The following CLIC5 variants were observed in gnomAD, a reference collection of about 807,000 sequenced individuals.
CLIC5 encodes the protein chloride intracellular channel protein 5.
Under a neutral mutation model 24.7 loss-of-function variants are expected in CLIC5, and 20 were observed. The ratio of observed to expected loss-of-function variants is 0.81; its 90% confidence interval spans 0.57 to 1.18. The LOEUF (loss-of-function observed/expected upper bound fraction) is 1.18, where lower values mean the gene tolerates loss of function less well. CLIC5 is among the 50% of genes most tolerant of loss of function. The pLI is 0.00. For synonymous variants in CLIC5, 159 were observed against 135.6 expected (o/e 1.17, Z -1.20); for missense variants, 341 against 326.1 (o/e 1.05, Z -0.35).
At position 45,994,186 on chromosome 6, in the gene CLIC5, G is replaced by C. The variant is rs9463159; in HGVS notation, c.63+21294C>G. The stretch of plus-strand genomic sequence containing the variant: ...CTGAGGGTAAGGATAACAGTTAACT[G>C]TCTTACATGTTGTTGCTCAGGTAGT... On this transcript the variant is annotated intron_variant, in intron 1 of 5. Coordinates refer to ENST00000339561, the MANE Select transcript of CLIC5 (RefSeq NM_016929.5). Among the ~76,000 whole-genome samples the C allele has an allele frequency of 5.7e-3, 866 of 152,190 alleles. 7 individuals carry two copies. Among genetic ancestry groups the C allele is most frequent in the African/African-American group, 0.02 (830 of 41,522 alleles).
chr6:45,929,343 C>T (rs914379905), intron 4 of CLIC5, among the ~76,000 whole-genome samples: 1 of 152,230 alleles, frequency 6.6e-6, no homozygotes, highest in East Asian at 1.9e-4. Flanking sequence ...TCCCTCCTGC[C>T]CTCAGCCCCA....
chr6:46,051,065 A>C (rs1217641210), intron 1 of CLIC5, among the ~76,000 whole-genome samples: 1 of 152,210 alleles, frequency 6.6e-6, no homozygotes, highest in Non-Finnish European at 1.5e-5. Flanking sequence ...CTTAGTCATC[A>C]ACAGTGGCCC....
chr6:46,065,827 T>C (rs1292775077), intron 1 of CLIC5, among the ~76,000 whole-genome samples: 3 of 152,144 alleles, frequency 2.0e-5, no homozygotes, highest in Non-Finnish European at 4.4e-5. Context: ...CACATCATGA[T>C]TATGGTGATG....
intron 1 of CLIC5, among the ~76,000 whole-genome samples, chr6:45,995,833 G>C (rs941501882): frequency 6.6e-6 from 1 of 152,098 alleles, no homozygotes; most frequent in Non-Finnish European, 1.5e-5. Context: ...GAAGCTCAAA[G>C]CCATTATCCT....
rs1762432173 is a variant in CLIC5, at chr6:45,898,549, ACACT to A, written c.*4535_*4538del. Reference sequence around the variant, plus strand: ...TAATTGGTTCAGATTCATGAGGAAAACACTCAGCTGTATCTTCATTAAAAGGCAT... The same window carrying A: ...TAATTGGTTCAGATTCATGAGGAAAACAGCTGTATCTTCATTAAAAGGCAT... On this transcript the variant is annotated 3_prime_UTR_variant, in exon 6 of 6. Coordinates refer to ENST00000339561, the MANE Select transcript of CLIC5 (RefSeq NM_016929.5). The A allele has an allele frequency of 6.8e-6, 1 of 147,386 alleles. No individual in the cohort carries two copies. The highest frequency in any genetic ancestry group is 2.7e-5 in the African/African-American group (1 of 37,074). The allele number at this position is 147,386 out of a possible 1,614,324, so 9.1% of individuals were successfully genotyped here. A position where few individuals can be genotyped will look rare whatever the true frequency, so the allele number is the denominator to read the frequency against.
intron 1 of CLIC5, among the ~76,000 whole-genome samples, chr6:46,051,565 G>C (rs1334709268): frequency 6.6e-6 from 1 of 152,000 alleles, no homozygotes. Flanking sequence ...TCTGCAGTTG[G>C]GGCAATCTCT....
chr6:45,882,289 T>C (rs954318350), intron 6 of CLIC5, among the ~76,000 whole-genome samples: 4 of 152,186 alleles, frequency 2.6e-5, no homozygotes, highest in Admixed American at 1.3e-4. Context: ...GAAGCCACAA[T>C]AGCATTCCTT....
At chr6:45,994,501 G>GT (rs1274444748) in intron 1 of CLIC5, among the ~76,000 whole-genome samples, 1 of 152,132 alleles carries the variant, frequency 6.6e-6, no homozygotes, top group Non-Finnish European at 1.5e-5. Context: ...AGGGTGAGGG[G>GT]TGAGGGGAGG....
chr6:45,971,725 T>G lies in CLIC5; in HGVS notation c.64-16481A>C, dbSNP rs529412032. ...ACATAATATAGAAAATTCTGAGGTC[T>G]CAACTAGGATTCGTAGGACAGAATG... On this transcript the variant is annotated intron_variant, in intron 1 of 5. Coordinates refer to ENST00000339561, the MANE Select transcript of CLIC5 (RefSeq NM_016929.5). 5.9e-5 allele frequency among the ~76,000 whole-genome samples: 9 copies of G among 152,352 alleles called. 1 individual carries two copies. The highest frequency in any genetic ancestry group is 2.2e-4 in the African/African-American group (9 of 41,572).
At chr6:46,098,021 T>A in the CLIC5 span, among the ~76,000 whole-genome samples, 7,371 of 152,270 alleles carry the variant, frequency 0.048, 185 homozygotes, top group Middle Eastern at 0.058. Flanking sequence ...ACAGCCACCC[T>A]ATGGCAACTC....
chr6:46,037,482 C>A (rs16874143), intron 1 of CLIC5, among the ~76,000 whole-genome samples: 2 of 152,132 alleles, frequency 1.3e-5, no homozygotes, highest in African/African-American at 4.8e-5. Flanking sequence ...GTTTGCTGAA[C>A]CAAGTTACCT....
chr6:45,910,978 G>A (rs111665683), intron 5 of CLIC5, among the ~76,000 whole-genome samples: 3 of 152,146 alleles, frequency 2.0e-5, no homozygotes, highest in East Asian at 1.9e-4. Flanking sequence ...TCATACCCAC[G>A]CAGAGAGGCC....
intron 3 of CLIC5, among the ~76,000 whole-genome samples, chr6:45,947,425 C>G (rs1764324909): frequency 6.6e-6 from 1 of 151,502 alleles, no homozygotes; most frequent in Non-Finnish European, 1.5e-5. Context: ...GGGACTGGCT[C>G]AAGAGGTCAC....
intron 1 of CLIC5, among the ~76,000 whole-genome samples, chr6:45,972,986 C>T (rs781463318): frequency 2.0e-5 from 3 of 152,178 alleles, no homozygotes; most frequent in Admixed American, 6.5e-5. Flanking sequence ...TTCCATACCT[C>T]GTGCAGAGGA....
the CLIC5 span, among the ~76,000 whole-genome samples, chr6:46,101,673 G>T: frequency 6.6e-6 from 1 of 152,202 alleles, no homozygotes; most frequent in African/African-American, 2.4e-5. Context: ...GTCAGGTAGA[G>T]AACTTACTTT....
intron 1 of CLIC5, among the ~76,000 whole-genome samples, chr6:45,993,087 A>G (rs149831591): frequency 2.8e-4 from 43 of 152,356 alleles, no homozygotes; most frequent in African/African-American, 8.4e-4. Context: ...AACAGATGCT[A>G]GCAATTAGAA....
At chr6:46,072,755 C>G (rs2127475518) in intron 1 of CLIC5, among the ~76,000 whole-genome samples, 1 of 152,206 alleles carries the variant, frequency 6.6e-6, no homozygotes, top group African/African-American at 2.4e-5. Context: ...TTGTTTCACC[C>G]CATAGCTTAT....
chr6:46,108,802 T>G, the CLIC5 span, among the ~76,000 whole-genome samples: 1 of 152,206 alleles, frequency 6.6e-6, no homozygotes, highest in Admixed American at 6.5e-5. Flanking sequence ...GAATGAATGT[T>G]TTTTTTCAGT....
chr6:46,058,836 G>T (rs563194268), intron 1 of CLIC5, among the ~76,000 whole-genome samples: 8 of 152,302 alleles, frequency 5.3e-5, no homozygotes, highest in Admixed American at 4.6e-4. Flanking sequence ...TATAATGTGC[G>T]ATAACAGGTT....
Sources: allele counts gnomAD v4.1 joint callset (sites outside exome capture counted in the v4.1 genomes callset), GRCh38; gene constraint gnomAD v4.1.1; transcripts MANE v1.5; gene names NCBI Gene and HGNC (gene_info 2026-07-23, HGNC 2026-07-21).